The following NAXD variants were observed in gnomAD, a reference collection of about 807,000 sequenced individuals.
NAXD encodes ATP-dependent (S)-NAD(P)H-hydrate dehydratase.
NAXD carries 22 observed loss-of-function variants against 35.8 expected under a neutral mutation model. The observed-to-expected ratio is 0.62, with a 90% CI of 0.44 to 0.88. The LOEUF (loss-of-function observed/expected upper bound fraction) is 0.88. NAXD is among the 40% of genes least tolerant of loss of function. The pLI is 0.00. For missense variants in NAXD, 428 were observed against 437.7 expected, an observed-to-expected ratio of 0.98 and a Z score of 0.20; for synonymous variants, 189 against 177.6, an observed-to-expected ratio of 1.06 and a Z score of -0.51.
chr13:110,615,600 C>G lies in NAXD; in HGVS notation c.-2C>G, dbSNP rs1379772898. Reference sequence around the variant, plus strand: ...GCAGCTGGGAATCCGGAATGCTGCCCGATGGCCCTGGGTCCTCGCTGTGGG... The same window carrying G: ...GCAGCTGGGAATCCGGAATGCTGCCGGATGGCCCTGGGTCCTCGCTGTGGG... On this transcript the variant is annotated 5_prime_UTR_variant, in exon 1 of 10. Transcript: ENST00000680254. The G allele has an allele frequency of 1.4e-6, 2 of 1,401,966 alleles. No homozygotes were observed. Among genetic ancestry groups the G allele is most frequent in the Non-Finnish European group, 1.9e-6 (2 of 1,078,650 alleles). The allele number at this position is 1,401,966 out of a possible 1,614,324, so 86.8% of individuals were successfully genotyped here.
At chr13:110,634,304 G>GTGGA (rs1886834597) in intron 5 of NAXD, among the ~76,000 whole-genome samples, 1 of 152,186 alleles carries the variant, frequency 6.6e-6, no homozygotes. Flanking sequence ...AGTTCTGAAG[G>GTGGA]TGGATGTCCA....
In NAXD at chr13:110,638,521, A is replaced by G. The variant is rs1452689063; in HGVS notation, c.983A>G (p.Glu328Gly). 1.2e-5 allele frequency: 19 copies of G among 1,612,382 alleles called. No individual in the cohort carries two copies. The highest frequency in any genetic ancestry group is 1.6e-5 in the Non-Finnish European group (19 of 1,179,576). ...EVGAAFSKLFET is the reference protein window; with the variant it reads ...EVGAAFSKLFGT ...GGGGCCGCCTTCAGCAAGCTCTTTG[A>G]AACCTGAGCCCGCGCAGACCAGAAG... is the stretch of plus-strand genomic sequence containing the variant. Residue 328 changes from glutamate to glycine, a missense_variant, in exon 10 of 10, where the codon GAA becomes GGA. By Grantham distance (98) the Glu-to-Gly change is moderately conservative (BLOSUM62 -2). Around this residue, in one of 3 missense-constraint regions of NAXD, gnomAD observed 209 missense variants for 214.6 expected, o/e 0.97. Coordinates refer to ENST00000680254, the MANE Select transcript of NAXD (RefSeq NM_001242882.2). This position sits in a 1 kb window ranked among gnomAD's most constrained non-coding sequence, Gnocchi z 5.4.
intron 3 of NAXD, among the ~76,000 whole-genome samples, chr13:110,624,544 C>T (rs1213150835): frequency 2.6e-5 from 4 of 152,150 alleles, no homozygotes; most frequent in East Asian, 1.9e-4. Context: ...CAGCAACCTC[C>T]GCCGCCTGGG....
At chr13:110,637,301 G>A (rs1411139468) in intron 9 of NAXD, 52 bp downstream of exon 9, 1 of 1,608,466 alleles carries the variant, frequency 6.2e-7, no homozygotes, top group Middle Eastern at 1.7e-4. Context: ...ATTTTTCTAA[G>A]CTGTTTCAGT....
At position 110,638,504 on chromosome 13, in the gene NAXD, CTTCAGCAA is replaced by C. The variant is rs1215252906; in HGVS notation, c.967_974del (p.Phe323AlafsTer3). 2 of 1,612,616 alleles carry C rather than the reference CTTCAGCAA, an allele frequency of 1.2e-6. No individual in the cohort carries two copies. Reference sequence around the variant, plus strand: ...ACATGATCGCCGAGGTGGGGGCCGCCTTCAGCAAGCTCTTTGAAACCTGAGCCCGCGCA... The same window carrying C: ...ACATGATCGCCGAGGTGGGGGCCGCCGCTCTTTGAAACCTGAGCCCGCGCA... On this transcript the variant is annotated frameshift_variant, in exon 10 of 10. Transcript: ENST00000680254. LOFTEE classifies it high-confidence loss of function. The surrounding 1 kb of genome is among the most constrained non-coding windows in gnomAD (Gnocchi z 5.4).
chr13:110,633,377 G>A (rs536227162), intron 5 of NAXD, among the ~76,000 whole-genome samples: 10 of 152,296 alleles, frequency 6.6e-5, no homozygotes, highest in African/African-American at 2.4e-4. Flanking sequence ...GCCCGCAAGC[G>A]CTGCAGGCAG....
rs751112404 is a variant in NAXD, at chr13:110,628,683, C to T, written c.441+1136C>T. Among the ~76,000 whole-genome samples the T allele has an allele frequency of 3.3e-5, 5 of 151,990 alleles. No individual in the cohort carries two copies. The highest frequency in any genetic ancestry group is 9.7e-5 in the African/African-American group (4 of 41,322). ...CGTCTTTGAGCTTTAAGGTCTTACC[C>T]GCTCACCGGGAAGGAGGAGGTGGCC... On this transcript the variant is annotated intron_variant, in intron 5 of 9. Transcript: ENST00000680254. This position sits in a 1 kb window ranked among gnomAD's most constrained non-coding sequence, Gnocchi z 4.1.
chr13:110,622,555 G>T (rs1272925029), intron 2 of NAXD, among the ~76,000 whole-genome samples, 189 bp downstream of exon 2: 1 of 152,218 alleles, frequency 6.6e-6, no homozygotes, highest in Non-Finnish European at 1.5e-5. Flanking sequence ...AGCCCTGACT[G>T]AATTACTCCC....
Position 110,634,819 on chromosome 13 carries a change from C to T in NAXD, c.597+43C>T, listed in dbSNP as rs370224788. On this transcript the variant is annotated intron_variant, in intron 7 of 9. Transcript: ENST00000680254. ...CTGGAGGGTAGATGCAAGCCCTGTT[C>T]GTCCTGAAGAGGGTGAAGGACGAGC... 45 of 1,463,820 alleles carry T rather than the reference C, an allele frequency of 3.1e-5. No homozygotes were observed. In the African/African-American group the frequency reaches 4.6e-4, roughly 15 times the overall value. 90.7% of individuals were successfully genotyped at this position (1,463,820 alleles called of 1,614,324 possible). A position where few individuals can be genotyped will look rare whatever the true frequency, so the allele number is the denominator to read the frequency against.
At chr13:110,619,914 T>A (rs1053960415) in intron 1 of NAXD, among the ~76,000 whole-genome samples, 1 of 152,156 alleles carries the variant, frequency 6.6e-6, no homozygotes, top group African/African-American at 2.4e-5. Context: ...TTCTTCTGCC[T>A]CAGCCTCCCG....
rs780781338 is a variant in NAXD, at chr13:110,622,342, T to C, written c.173T>C (p.Ile58Thr). The change falls in exon 2 of 10, where the codon ATA becomes ACA. Residue 58 changes from isoleucine (I) to threonine (T), a missense_variant. Physicochemically the swap from Ile to Thr is moderately conservative, Grantham distance 89. Coordinates refer to ENST00000680254, the MANE Select transcript of NAXD (RefSeq NM_001242882.2). ...STKHKGQDGRIGVVGGCQEYT... is the reference protein window; with the variant it reads ...STKHKGQDGRTGVVGGCQEYT... ...AAGCACAAAGGGCAAGATGGAAGAA[T>C]AGGCGTAGTTGGAGGCTGTCAGGAG... 9 of 1,614,204 alleles carry C rather than the reference T, an allele frequency of 5.6e-6. No homozygotes were observed. Among genetic ancestry groups the C allele is most frequent in the Middle Eastern group, 1.6e-4 (1 of 6,062 alleles).
At chr13:110,618,943 C>T (rs1217356097) in intron 1 of NAXD, among the ~76,000 whole-genome samples, 1 of 152,234 alleles carries the variant, frequency 6.6e-6, no homozygotes, top group African/African-American at 2.4e-5. Context: ...GCGGAGAGGA[C>T]AAGCACTTGG....
rs756909452 is a variant in NAXD at position 110,638,665 on chromosome 13, T to C, written c.*137T>C. The C allele has an allele frequency of 1.2e-4, 125 of 1,022,080 alleles. No homozygotes were observed. The highest frequency in any genetic ancestry group is 1.8e-4 in the Non-Finnish European group (119 of 670,590). 63.3% of individuals were successfully genotyped at this position (1,022,080 alleles called of 1,614,324 possible). On this transcript the variant is annotated 3_prime_UTR_variant, in exon 10 of 10. Transcript: ENST00000680254. The surrounding 1 kb of genome is among the most constrained non-coding windows in gnomAD (Gnocchi z 5.4). ...CAACTTGAGCATAAATTGGTTGCCA[T>C]TGAGAATTTAAGAATCTGGAATATT...
intron 7 of NAXD, 103 bp from the exon 8 acceptor site, chr13:110,635,365 T>G: frequency 7.2e-7 from 1 of 1,395,280 alleles, no homozygotes; most frequent in Non-Finnish European, 9.9e-7. Flanking sequence ...GTGATCCCTT[T>G]AGACACGAGA....
chr13:110,617,489 G>C (rs1040737726), intron 1 of NAXD, among the ~76,000 whole-genome samples: 6 of 152,208 alleles, frequency 3.9e-5, no homozygotes, highest in African/African-American at 1.4e-4. Flanking sequence ...AAATGGTGAC[G>C]TCAGTAAGCC....
intron 5 of NAXD, among the ~76,000 whole-genome samples, chr13:110,632,182 A>C (rs1886719049): frequency 7.2e-6 from 1 of 138,018 alleles, no homozygotes; most frequent in South Asian, 2.3e-4. Context: ...CTCAGGAGTG[A>C]GGCTACAGAC....
chr13:110,624,184 A>G (rs575446350), intron 2 of NAXD, 50 bp from the exon 3 acceptor site: 3 of 1,070,146 alleles, frequency 2.8e-6, no homozygotes, highest in Non-Finnish European at 4.3e-6. Flanking sequence ...TGATCAAGGT[A>G]TGCTTACCTT....
chr13:110,622,866 C>T (rs1886320382), intron 2 of NAXD, among the ~76,000 whole-genome samples: 1 of 152,184 alleles, frequency 6.6e-6, no homozygotes, highest in Non-Finnish European at 1.5e-5. Flanking sequence ...GGAAAGCCTG[C>T]CGTGGCTCCT....
chr13:110,623,730 C>T (rs954349085), intron 2 of NAXD, among the ~76,000 whole-genome samples: 1 of 152,216 alleles, frequency 6.6e-6, no homozygotes, highest in Non-Finnish European at 1.5e-5. Flanking sequence ...TGGCTGGGCG[C>T]GGTGGCTCAT....
Sources: allele counts gnomAD v4.1 joint callset (sites outside exome capture counted in the v4.1 genomes callset), GRCh38; gene constraint gnomAD v4.1.1; regional missense constraint gnomAD v4.1.1; non-coding constraint Gnocchi (gnomAD v3.1); transcripts MANE v1.5; gene names NCBI Gene and HGNC (gene_info 2026-07-23, HGNC 2026-07-21).